Variants in STAU2 observed in about 807,000 individuals in gnomAD.
STAU2 encodes staufen double-stranded RNA binding protein 2, also known as double-stranded RNA-binding protein Staufen homolog 2.
STAU2 carries 20 observed loss-of-function variants against 65.9 expected under a neutral mutation model. The observed-to-expected ratio is 0.30, with a 90% CI of 0.21 to 0.44. The LOEUF (loss-of-function observed/expected upper bound fraction) is 0.44. Among genes scored for constraint, STAU2 ranks in the 20% least tolerant of loss-of-function variants. The probability of loss-of-function intolerance (pLI) is 1.00; values close to 1 mark genes in which losing one functional copy is unlikely to be tolerated. For missense variants in STAU2, 558 were observed against 683.9 expected (o/e 0.82, Z 2.05); for synonymous variants, 232 against 233.9 (o/e 0.99, Z 0.07).
intron 6 of STAU2, among the ~76,000 whole-genome samples, chr8:73,631,291 G>A (rs1814072628): frequency 6.6e-6 from 1 of 151,862 alleles, no homozygotes; most frequent in Non-Finnish European, 1.5e-5. Flanking sequence ...GAATTCAAGG[G>A]TACAGTGAGC....
At chr8:73,654,011 C>T in intron 6 of STAU2, 1 of 241,126 alleles carries the variant, frequency 4.1e-6, no homozygotes, top group Non-Finnish European at 8.3e-6. Flanking sequence ...AAAAGGATGA[C>T]TTACTTTTAT....
intron 12 of STAU2, among the ~76,000 whole-genome samples, chr8:73,558,824 C>CT (rs1807978603): frequency 6.7e-6 from 1 of 148,324 alleles, no homozygotes; most frequent in Non-Finnish European, 1.5e-5. Context: ...AAAAAAAAAA[C>CT]TTTGTTTCCA....
chr8:73,517,525 G>C (rs1822808528), intron 13 of STAU2, among the ~76,000 whole-genome samples: 1 of 152,090 alleles, frequency 6.6e-6, no homozygotes, highest in African/African-American at 2.4e-5. Context: ...AACACTTTGG[G>C]TTCTATTTAT....
chr8:73,491,091 A>G (rs905131853), intron 13 of STAU2, among the ~76,000 whole-genome samples: 3 of 152,052 alleles, frequency 2.0e-5, no homozygotes, highest in Non-Finnish European at 4.4e-5. Context: ...GTAAACTACA[A>G]TCAGAAGCAG....
chr8:73,577,211 A>G lies in STAU2; in HGVS notation c.1222+5559T>C, dbSNP rs551941177. 9.7e-4 allele frequency among the ~76,000 whole-genome samples: 147 copies of G among 152,102 alleles called. No individual in the cohort carries two copies. The East Asian group carries it at 0.02, about 20-fold the overall frequency. On this transcript the variant is annotated intron_variant, in intron 12 of 14. Transcript: ENST00000524300. ...TGGGAGGCCAAGGTGGGCAGATCAC[A>G]AGGTCAGGAGATCGAGACCATCCTG...
At chr8:73,638,684 A>G (rs1047366956) in intron 6 of STAU2, among the ~76,000 whole-genome samples, 1 of 151,968 alleles carries the variant, frequency 6.6e-6, no homozygotes, top group African/African-American at 2.4e-5. Flanking sequence ...TACCTCTGTT[A>G]TTACTGTCCA....
Position 73,617,296 on chromosome 8 carries a change from G to T in STAU2, c.566C>A (p.Pro189His), listed in dbSNP as rs762987287. The T allele has an allele frequency of 1.2e-6, 2 of 1,613,978 alleles. No homozygotes were observed. The highest frequency in any genetic ancestry group is 1.7e-6 in the Non-Finnish European group (2 of 1,179,932). The change falls in exon 7 of 15, where the codon CCT (proline) becomes CAT (histidine). Residue 189 changes from proline (P) to histidine (H), a missense_variant. Physicochemically the swap from Pro to His is moderately conservative, Grantham distance 77 (BLOSUM62 -2). This residue lies in a region of STAU2 where 199 missense variants were observed against 299.5 expected (regional missense o/e 0.66). Transcript: ENST00000524300. ...TCACATGCAGCAGCACCACACCTGAGGAGATCTTTCTGGAATAGGTTCATT... is the reference window on the plus strand; with the variant it reads ...TCACATGCAGCAGCACCACACCTGATGAGATCTTTCTGGAATAGGTTCATT... Reference protein sequence around the residue: ...LQNEPIPERSPQNGESGKDVD... With the variant: ...LQNEPIPERSHQNGESGKDVD...
At chr8:73,564,661 T>C (rs1808470105) in intron 12 of STAU2, among the ~76,000 whole-genome samples, 2 of 151,396 alleles carry the variant, frequency 1.3e-5, no homozygotes, top group Non-Finnish European at 2.9e-5. Context: ...ACTTAAAAAA[T>C]GAAAGTTAAA....
chr8:73,569,294 T>C (rs1297103298), intron 12 of STAU2, among the ~76,000 whole-genome samples: 1 of 151,650 alleles, frequency 6.6e-6, no homozygotes, highest in African/African-American at 2.4e-5. Context: ...CTTGAGTAGG[T>C]AAACAAAGCA....
chr8:73,590,470 A>G (rs936875767), intron 11 of STAU2: 5 of 152,218 alleles, frequency 3.3e-5, no homozygotes, highest in African/African-American at 1.2e-4. Context: ...AGAATCCTAT[A>G]TCCAGAAAAA....
intron 12 of STAU2, among the ~76,000 whole-genome samples, chr8:73,573,166 AAT>A (rs1193473026): frequency 2.0e-5 from 3 of 152,218 alleles, no homozygotes; most frequent in African/African-American, 7.2e-5. Flanking sequence ...CTTCAAAGAG[AAT>A]ACAATACCTA....
chr8:73,471,904 C>G (rs1820055840), intron 13 of STAU2, among the ~76,000 whole-genome samples: 1 of 150,516 alleles, frequency 6.6e-6, no homozygotes, highest in Non-Finnish European at 1.5e-5. Flanking sequence ...GGTTAGCACT[C>G]TCTTGTAATA....
intron 4 of STAU2, among the ~76,000 whole-genome samples, chr8:73,693,912 A>T (rs1819529024): frequency 6.6e-6 from 1 of 152,274 alleles, no homozygotes; most frequent in Non-Finnish European, 1.5e-5. Flanking sequence ...AAAGTCAGAG[A>T]TTGTCAAACT....
At position 73,706,242 on chromosome 8, in the gene STAU2, G is replaced by A. The variant is rs573899830; in HGVS notation, c.114+2790C>T. 3.0e-4 allele frequency among the ~76,000 whole-genome samples: 46 copies of A among 151,986 alleles called. No individual in the cohort carries two copies. In the South Asian group the frequency reaches 7.1e-3, roughly 23 times the overall value. On this transcript the variant is annotated intron_variant, in intron 4 of 14. Transcript: ENST00000524300. ...AGCAATTCTCCTGCCTCAGCCTCCC[G>A]AGTAGGTGGGATTATAGTCACGCAC...
chr8:73,481,729 T>G (rs1477555856), intron 13 of STAU2, among the ~76,000 whole-genome samples: 1 of 152,144 alleles, frequency 6.6e-6, no homozygotes, highest in African/African-American at 2.4e-5. Context: ...TTGCTTTGAA[T>G]TTTTAGCTGT....
chr8:73,462,096 T>C (rs1050563133), intron 13 of STAU2, among the ~76,000 whole-genome samples: 2 of 152,156 alleles, frequency 1.3e-5, no homozygotes, highest in African/African-American at 4.8e-5. Flanking sequence ...TTTGTTTTTT[T>C]GAGGCAGAGT....
intron 3 of STAU2, among the ~76,000 whole-genome samples, chr8:73,717,332 AATT>A (rs1821320147): frequency 6.9e-6 from 1 of 144,436 alleles, no homozygotes; most frequent in South Asian, 2.2e-4. Context: ...ATATCTAAAA[AATT>A]ATTACCTAAC....
At chr8:73,621,062 C>T (rs1004034666) in intron 6 of STAU2, among the ~76,000 whole-genome samples, 4 of 152,170 alleles carry the variant, frequency 2.6e-5, no homozygotes, top group Non-Finnish European at 4.4e-5. Context: ...CTTCTACTTT[C>T]ACTTATTTCA....
chr8:73,520,497 T>C (rs533602825), intron 13 of STAU2, among the ~76,000 whole-genome samples: 5 of 152,330 alleles, frequency 3.3e-5, no homozygotes, highest in African/African-American at 9.6e-5. Context: ...CCTTATGTAG[T>C]AGTCCTTGCG....
Sources: gnomAD v4.1 joint callset for allele counts (sites outside exome capture counted in the v4.1 genomes callset) on GRCh38, gnomAD v4.1.1 for gene constraint, gnomAD v4.1.1 regional missense constraint, MANE v1.5 for transcripts, NCBI Gene and HGNC (gene_info 2026-07-23, HGNC 2026-07-21) for gene names.